Variants in SH2B3 observed in about 807,000 individuals in gnomAD.
SH2B3 encodes SH2B adaptor protein 3.
A neutral mutation model predicts 51.9 loss-of-function variants in SH2B3; 43 were observed. The observed-to-expected ratio is 0.83, with a 90% confidence interval of 0.65 to 1.07. The LOEUF is 1.07. SH2B3 is among the 50% of genes least tolerant of loss of function. The pLI is 0.00. For synonymous variants in SH2B3, 396 were observed against 376.0 expected, an observed-to-expected ratio of 1.05 and a Z score of -0.62; for missense variants, 952 against 834.3, an observed-to-expected ratio of 1.14 and a Z score of -1.74.
At chr12:111,430,242 C>T (rs1456200122) in intron 2 of SH2B3, among the ~76,000 whole-genome samples, 1 of 152,180 alleles carries the variant, frequency 6.6e-6, no homozygotes, top group Non-Finnish European at 1.5e-5. Flanking sequence ...ACACTGCCGC[C>T]CCATCTGCCC....
rs1874285627 is a variant in SH2B3, at chr12:111,448,492, C to G, written c.*190C>G. ...GGGCCCTCCTGTAGGTTTCATCTAT[C>G]CACCTGGCTTTCTCCTTATTGTTTA... On this transcript the variant is annotated 3_prime_UTR_variant, in exon 8 of 8. Transcript: ENST00000341259. 1 of 592,298 alleles carries G rather than the reference C, an allele frequency of 1.7e-6. No homozygotes were observed. Among genetic ancestry groups the G allele is most frequent in the Non-Finnish European group, 3.0e-6 (1 of 333,738 alleles). 36.7% of individuals were successfully genotyped at this position (592,298 alleles called of 1,614,324 possible). A position where few individuals can be genotyped will look rare whatever the true frequency, so the allele number is the denominator to read the frequency against.
intron 2 of SH2B3, among the ~76,000 whole-genome samples, chr12:111,430,510 T>C (rs1872385537): frequency 6.6e-6 from 1 of 152,016 alleles, no homozygotes; most frequent in African/African-American, 2.4e-5. Flanking sequence ...TGGTGTGGTA[T>C]TTTTTTGTTT....
Position 111,429,845 on chromosome 12 carries a change from G to A in SH2B3, c.732+10968G>A, listed in dbSNP as rs1030600209. 5.3e-5 allele frequency among the ~76,000 whole-genome samples: 8 copies of A among 152,176 alleles called. No homozygotes were observed. The highest frequency in any genetic ancestry group is 2.1e-4 in the South Asian group (1 of 4,834). ...AGTCCCTGGTGGGTCTGCCAAGGCC[G>A]GGGGGCACCAGGGGCAGGGGGTTTG... On this transcript the variant is annotated intron_variant, in intron 2 of 7. Transcript: ENST00000341259. The surrounding 1 kb of genome is among the most constrained non-coding windows in gnomAD (Gnocchi z 4.4).
At position 111,418,552 on chromosome 12, in the gene SH2B3, A is replaced by G; in HGVS notation, c.407A>G (p.Gln136Arg). The change falls in exon 2 of 8, where the codon CAG becomes CGG. Residue 136 changes from glutamine to arginine, a missense_variant. Gln to Arg is a conservative substitution (Grantham distance 43). Coordinates refer to ENST00000341259, the MANE Select transcript of SH2B3 (RefSeq NM_005475.3). The surrounding 1 kb of genome is among the most constrained non-coding windows in gnomAD (Gnocchi z 6.7). ...PPRPPGPCSF[Q>R]HFRRSLRHIF... is the part of the protein sequence containing the mutation. ...CGGCCGCCCGGGCCCTGCTCCTTCC[A>G]GCACTTTCGCCGCAGCCTCCGCCAC... 2 of 1,468,160 alleles carry G rather than the reference A, an allele frequency of 1.4e-6. No homozygotes were observed. The highest frequency in any genetic ancestry group is 1.3e-5 in the South Asian group (1 of 79,316). The allele number at this position is 1,468,160 out of a possible 1,614,324, so 90.9% of individuals were successfully genotyped here.
rs1453391746 is a variant in SH2B3 at position 111,410,474 on chromosome 12, C to T, written c.-28+4197C>T. ...GAAGCCACGGCCTTGGGATGGGGGG[C>T]GTGCGGGATTCTGATGGTGCTGCCT... On this transcript the variant is annotated intron_variant, in intron 1 of 7. Coordinates refer to ENST00000341259, the MANE Select transcript of SH2B3 (RefSeq NM_005475.3). The surrounding 1 kb of genome is among the most constrained non-coding windows in gnomAD (Gnocchi z 4.9). Among the ~76,000 whole-genome samples the T allele has an allele frequency of 6.6e-6, 1 of 152,112 alleles. No individual in the cohort carries two copies. The highest frequency in any genetic ancestry group is 6.6e-5 in the Admixed American group (1 of 15,266).
upstream of SH2B3, among the ~76,000 whole-genome samples, chr12:111,405,723 C>A (rs368724897): frequency 3.3e-4 from 51 of 152,358 alleles, no homozygotes; most frequent in Middle Eastern, 3.4e-3. The surrounding 1 kb of genome is among the most constrained non-coding windows in gnomAD (Gnocchi z 5.4). Context: ...CCAGGAGAGC[C>A]CTCCGACCCT....
At position 111,446,787 on chromosome 12, in the gene SH2B3, G is replaced by A; in HGVS notation, c.767G>A (p.Ser256Asn). 6.4e-7 allele frequency: 1 copy of A among 1,559,332 alleles called. No individual in the cohort carries two copies. The highest frequency in any genetic ancestry group is 8.7e-7 in the Non-Finnish European group (1 of 1,150,034). ...CCCAAGCTACAAGCAGCTTGCTCCA[G>A]CATCCAGGAGGTCCGGTGGTGCACA... ...SRPKLQAACS[S>N]IQEVRWCTRL... Residue 256 changes from serine (S) to asparagine (N), a missense_variant, in exon 3 of 8, where the codon AGC becomes AAC. Coordinates refer to ENST00000341259, the MANE Select transcript of SH2B3 (RefSeq NM_005475.3).
At chr12:111,408,403 C>T (rs1870410518) in intron 1 of SH2B3, among the ~76,000 whole-genome samples, 1 of 151,106 alleles carries the variant, frequency 6.6e-6, no homozygotes, top group Non-Finnish European at 1.5e-5. Flanking sequence ...TCCTCATCCC[C>T]CCACCCCCAC....
rs538932158 is a variant in SH2B3 at position 111,451,563 on chromosome 12, G to C, written c.*3261G>C. ...TACAAGTAACTTATTCTTGAATAATGCAAATTTTGCTATAATGTACAAATT... is the reference window on the plus strand; with the variant it reads ...TACAAGTAACTTATTCTTGAATAATCCAAATTTTGCTATAATGTACAAATT... On this transcript the variant is annotated 3_prime_UTR_variant, in exon 8 of 8. Transcript: ENST00000341259. 3.9e-5 allele frequency: 6 copies of C among 152,730 alleles called. No individual in the cohort carries two copies. The highest frequency in any genetic ancestry group is 1.4e-4 in the African/African-American group (6 of 41,558). The allele number at this position is 152,730 out of a possible 1,614,324, so 9.5% of individuals were successfully genotyped here.
chr12:111,444,296 A>G (rs577876077), intron 2 of SH2B3: 4 of 152,360 alleles, frequency 2.6e-5, no homozygotes, highest in African/African-American at 9.6e-5. Flanking sequence ...CCGTTGGGGT[A>G]GTGTCAGAGC....
intron 2 of SH2B3, among the ~76,000 whole-genome samples, chr12:111,446,484 AGAG>A (rs1873967936): frequency 1.3e-5 from 2 of 152,348 alleles, no homozygotes. Context: ...GACACATGGC[AGAG>A]TGGGAATGTC....
chr12:111,424,634 T>C (rs1377515332), intron 2 of SH2B3, among the ~76,000 whole-genome samples: 1 of 151,996 alleles, frequency 6.6e-6, no homozygotes, highest in Non-Finnish European at 1.5e-5. Context: ...GCCTGGGGTG[T>C]TGCCTGCAAA....
At chr12:111,430,875 C>T (rs1188434518) in intron 2 of SH2B3, among the ~76,000 whole-genome samples, 3 of 152,156 alleles carry the variant, frequency 2.0e-5, no homozygotes. Flanking sequence ...CCCAGGGTCC[C>T]TCCCCGGGAT....
At chr12:111,408,592 G>A (rs972261690) in intron 1 of SH2B3, among the ~76,000 whole-genome samples, 3 of 152,152 alleles carry the variant, frequency 2.0e-5, no homozygotes, top group Non-Finnish European at 4.4e-5. Context: ...GGACCTCCTC[G>A]CTGCCAGTCT....
At chr12:111,417,590 A>G (rs1233576455) in intron 1 of SH2B3, among the ~76,000 whole-genome samples, 1 of 151,952 alleles carries the variant, frequency 6.6e-6, no homozygotes, top group Non-Finnish European at 1.5e-5. Context: ...AGTTAGGACT[A>G]CAGGTGCACG....
chr12:111,411,466 C>A (rs114598006), intron 1 of SH2B3, among the ~76,000 whole-genome samples: 1 of 152,150 alleles, frequency 6.6e-6, no homozygotes, highest in Non-Finnish European at 1.5e-5. Context: ...TTCAGCCTCC[C>A]GAATTATACT....
rs1874527968 is a variant in SH2B3, at chr12:111,450,946, A to G, written c.*2644A>G. The stretch of plus-strand genomic sequence containing the variant: ...AGGCCCCAGCCGGCAACTTCTACCG[A>G]GAGCCATGGCTCAACACCAAACTGG... On this transcript the variant is annotated 3_prime_UTR_variant, in exon 8 of 8. Coordinates refer to ENST00000341259, the MANE Select transcript of SH2B3 (RefSeq NM_005475.3). The G allele has an allele frequency of 6.5e-6, 1 of 152,818 alleles. No homozygotes were observed. The highest frequency in any genetic ancestry group is 1.5e-5 in the Non-Finnish European group (1 of 68,298). The allele number at this position is 152,818 out of a possible 1,614,324, so 9.5% of individuals were successfully genotyped here.
Position 111,429,041 on chromosome 12 carries a change from AGGAGGAAGAGGAG to A in SH2B3, c.732+10166_732+10178del. 7.6e-6 allele frequency among the ~76,000 whole-genome samples: 1 copy of A among 130,912 alleles called. No individual in the cohort carries two copies. Among genetic ancestry groups the A allele is most frequent in the Non-Finnish European group, 1.6e-5 (1 of 61,122 alleles). The allele number at this position is 130,912 out of a possible 152,430, so 85.9% of individuals were successfully genotyped here. A position where few individuals can be genotyped will look rare whatever the true frequency, so the allele number is the denominator to read the frequency against. On this transcript the variant is annotated intron_variant, in intron 2 of 7. Coordinates refer to ENST00000341259, the MANE Select transcript of SH2B3 (RefSeq NM_005475.3). This position sits in a 1 kb window ranked among gnomAD's most constrained non-coding sequence, Gnocchi z 4.4. ...GAGGAGGAGGAGGAGGAGGAGGAGG[AGGAGGAAGAGGAG>A]GAGGAGGAGGAGGAGGGACGGCAGG...
intron 2 of SH2B3, among the ~76,000 whole-genome samples, chr12:111,442,043 T>A (rs1873463483): frequency 6.6e-6 from 1 of 152,194 alleles, no homozygotes. Context: ...GTGATTCTCC[T>A]GCCTCAGCTT....
Sources: allele counts gnomAD v4.1 joint callset (sites outside exome capture counted in the v4.1 genomes callset), GRCh38; gene constraint gnomAD v4.1.1; non-coding constraint Gnocchi (gnomAD v3.1); transcripts MANE v1.5; gene names NCBI Gene and HGNC (gene_info 2026-07-23, HGNC 2026-07-21).